RANBP2: variants seen among roughly 807,000 people sequenced by gnomAD.
The protein encoded by RANBP2 is RAN binding protein 2, also known as E3 SUMO-protein ligase RanBP2.
Under a neutral mutation model 303.6 loss-of-function variants are expected in RANBP2, and 57 were observed. The observed-to-expected ratio is 0.19, with a 90% CI of 0.15 to 0.23. The LOEUF (loss-of-function observed/expected upper bound fraction) is 0.23, where lower values mean the gene tolerates loss of function less well. Ranked by LOEUF, RANBP2 falls within the 10% of genes least tolerant of loss-of-function variation. The pLI is 1.00. For missense variants in RANBP2, 3,138 were observed against 3,780.8 expected, an observed-to-expected ratio of 0.83 and a Z score of 4.46; for synonymous variants, 1,167 against 1,301.5, an observed-to-expected ratio of 0.90 and a Z score of 2.23.
At chr2:109,382,978 C>T in the RANBP2 span, among the ~76,000 whole-genome samples, 2 of 152,344 alleles carry the variant, frequency 1.3e-5, no homozygotes, top group East Asian at 3.9e-4. Context: ...AATCACAACA[C>T]TCAGGACTTG....
the RANBP2 span, among the ~76,000 whole-genome samples, chr2:109,547,091 CA>C: frequency 6.6e-6 from 1 of 152,226 alleles, no homozygotes; most frequent in African/African-American, 2.4e-5. Flanking sequence ...GGTTAACCAC[CA>C]AAGACAACTT....
chr2:109,686,408 G>A, the RANBP2 span, among the ~76,000 whole-genome samples: 3 of 152,068 alleles, frequency 2.0e-5, no homozygotes, highest in South Asian at 2.1e-4. Context: ...TCTGCCTCCC[G>A]GGTTCACGCC....
At chr2:109,407,530 G>A in the RANBP2 span, among the ~76,000 whole-genome samples, 3 of 152,188 alleles carry the variant, frequency 2.0e-5, no homozygotes, top group African/African-American at 7.2e-5. Context: ...TGAAGGAGCT[G>A]AAGCAGGACC....
chr2:108,794,988 TTAAG>T, the RANBP2 span, among the ~76,000 whole-genome samples: 1 of 151,976 alleles, frequency 6.6e-6, no homozygotes, highest in Non-Finnish European at 1.5e-5. Context: ...CCATCCTTAC[TTAAG>T]TAATAAAATC....
chr2:109,314,466 G>A, the RANBP2 span, among the ~76,000 whole-genome samples: 1 of 152,162 alleles, frequency 6.6e-6, no homozygotes, highest in African/African-American at 2.4e-5. Flanking sequence ...GGGGAAAGCA[G>A]GTCAGCCTGA....
chr2:109,413,073 C>G, the RANBP2 span, among the ~76,000 whole-genome samples: 1 of 152,174 alleles, frequency 6.6e-6, no homozygotes, highest in Non-Finnish European at 1.5e-5. Context: ...GCTGCGAAAT[C>G]CTTACCTGTA....
At chr2:109,445,523 GA>G in the RANBP2 span, among the ~76,000 whole-genome samples, 6 of 152,186 alleles carry the variant, frequency 3.9e-5, no homozygotes, top group Non-Finnish European at 8.8e-5. Context: ...TAAGTGTAAA[GA>G]AAAATGGGAA....
chr2:109,367,059 T>A, the RANBP2 span, among the ~76,000 whole-genome samples: 22 of 151,816 alleles, frequency 1.4e-4, no homozygotes, highest in Admixed American at 6.6e-5. Flanking sequence ...TTCAAGAGAT[T>A]CTCGTGCCTC....
At chr2:109,473,051 A>C in the RANBP2 span, among the ~76,000 whole-genome samples, 1 of 152,250 alleles carries the variant, frequency 6.6e-6, no homozygotes, top group Non-Finnish European at 1.5e-5. Context: ...ACAGGGTCAC[A>C]TGGTGTTGCA....
At chr2:109,501,964 C>T in the RANBP2 span, 1 of 355,244 alleles carries the variant, frequency 2.8e-6, no homozygotes, top group Non-Finnish European at 5.2e-6. Flanking sequence ...GCAGGCAGGC[C>T]TGTGGCTGTG....
At chr2:109,538,923 A>G in the RANBP2 span, among the ~76,000 whole-genome samples, 5 of 152,254 alleles carry the variant, frequency 3.3e-5, no homozygotes, top group East Asian at 7.7e-4. Context: ...ACAAGGTTTT[A>G]ATGTCTACCA....
At chr2:109,721,292 C>T in the RANBP2 span, among the ~76,000 whole-genome samples, 1 of 152,194 alleles carries the variant, frequency 6.6e-6, no homozygotes, top group Non-Finnish European at 1.5e-5. Context: ...CATGTTTCCT[C>T]AGCAGCTAAA....
the RANBP2 span, among the ~76,000 whole-genome samples, chr2:109,071,900 G>T: frequency 1.3e-5 from 2 of 152,102 alleles, no homozygotes; most frequent in Non-Finnish European, 2.9e-5. Context: ...AGGAGGAGAT[G>T]GCAGAGATGT....
At chr2:109,609,027 T>C in the RANBP2 span, among the ~76,000 whole-genome samples, 23 of 152,232 alleles carry the variant, frequency 1.5e-4, no homozygotes, top group Non-Finnish European at 2.9e-5. Context: ...CTTCTCCTTC[T>C]TTCCCACAGA....
chr2:109,235,331 A>T, the RANBP2 span, among the ~76,000 whole-genome samples: 5 of 151,924 alleles, frequency 3.3e-5, no homozygotes, highest in Non-Finnish European at 5.9e-5. Flanking sequence ...CTCTTCATCC[A>T]CCCTAGGGAT....
intron 7 of RANBP2, among the ~76,000 whole-genome samples, chr2:108,742,238 T>C (rs186405989): frequency 1.6e-4 from 24 of 151,948 alleles, no homozygotes; most frequent in African/African-American, 5.5e-4. Context: ...TCAGGTGATC[T>C]TCGCGCCTCA....
chr2:108,927,928 C>A, the RANBP2 span, among the ~76,000 whole-genome samples: 9 of 152,312 alleles, frequency 5.9e-5, no homozygotes, highest in African/African-American at 1.9e-4. Flanking sequence ...TGAGTGCCAT[C>A]TGCACCCCTG....
chr2:109,001,480 G>A, the RANBP2 span, among the ~76,000 whole-genome samples: 1 of 152,216 alleles, frequency 6.6e-6, no homozygotes. Context: ...GCAAAGGGAT[G>A]GGCAAGAGAG....
chr2:109,144,654 T>C, the RANBP2 span, among the ~76,000 whole-genome samples: 1 of 152,264 alleles, frequency 6.6e-6, no homozygotes, highest in Admixed American at 6.5e-5. Flanking sequence ...ATTTTGGACA[T>C]GACAGGTGTT....
Sources: allele counts gnomAD v4.1 joint callset (sites outside exome capture counted in the v4.1 genomes callset), GRCh38; gene constraint gnomAD v4.1.1; transcripts MANE v1.5; gene names NCBI Gene and HGNC (gene_info 2026-07-23, HGNC 2026-07-21).